JAK2: variants seen among roughly 807,000 people sequenced by gnomAD.
JAK2 encodes tyrosine-protein kinase JAK2.
Under a neutral mutation model 139.3 loss-of-function variants are expected in JAK2, and 86 were observed. That is an observed-to-expected ratio of 0.62 (90% CI 0.52 to 0.74). JAK2 has a LOEUF of 0.74. JAK2 is among the 30% of genes least tolerant of loss of function. The pLI, the probability that JAK2 is intolerant of heterozygous loss-of-function variation, is 0.00. For synonymous variants in JAK2, 490 were observed against 437.7 expected (o/e 1.12, Z -1.49); for missense variants, 1,421 against 1,360.3 (o/e 1.04, Z -0.70).
At chr9:5,053,999 G>C (rs1172186703) in intron 6 of JAK2, among the ~76,000 whole-genome samples, 1 of 152,028 alleles carries the variant, frequency 6.6e-6, no homozygotes, top group African/African-American at 2.4e-5. Flanking sequence ...ACATAGAGAT[G>C]AATGTACAGA....
At chr9:5,090,131 TA>T (rs1820464668) in intron 20 of JAK2, among the ~76,000 whole-genome samples, 1 of 152,246 alleles carries the variant, frequency 6.6e-6, no homozygotes, top group African/African-American at 2.4e-5. Flanking sequence ...ACATTTTCTA[TA>T]AAAATATTTT....
intron 5 of JAK2, among the ~76,000 whole-genome samples, chr9:5,046,885 C>T (rs899116203): frequency 6.6e-6 from 1 of 152,078 alleles, no homozygotes; most frequent in Non-Finnish European, 1.5e-5. Context: ...TGGGGGTAGG[C>T]TAGTTAAGTC....
intron 22 of JAK2, chr9:5,114,172 C>A: frequency 2.3e-6 from 1 of 429,242 alleles, no homozygotes. Flanking sequence ...TGTGCAGATT[C>A]TAACCCGCAA....
In JAK2 at chr9:5,031,450, C is replaced by A. The variant is rs561826987; in HGVS notation, c.350+1544C>A. ...TAGAAACATAATAATATGAAGAAATCTTTTCATATTAACGTGGAAGGGAGA... is the reference window on the plus strand; with the variant it reads ...TAGAAACATAATAATATGAAGAAATATTTTCATATTAACGTGGAAGGGAGA... On this transcript the variant is annotated intron_variant, in intron 4 of 24. Transcript: ENST00000381652. Among the ~76,000 whole-genome samples, 13 of 152,202 alleles carry A rather than the reference C, an allele frequency of 8.5e-5. No individual in the cohort carries two copies. The South Asian group carries it at 2.7e-3, about 32-fold the overall frequency.
chr9:5,089,957 T>C (rs566282097), intron 20 of JAK2, 94 bp downstream of exon 20: 13 of 792,784 alleles, frequency 1.6e-5, no homozygotes, highest in African/African-American at 1.1e-4. Context: ...TCTGGACTTA[T>C]GCCAATGCCC....
chr9:5,085,377 C>T, intron 19 of JAK2: 1 of 906,250 alleles, frequency 1.1e-6, no homozygotes, highest in Non-Finnish European at 1.8e-6. Context: ...TCTCATGCAC[C>T]ACTGGGTCGG....
At chr9:5,050,573 T>TTTTGTAA in intron 5 of JAK2, 113 bp from the exon 6 acceptor site, 2 of 1,129,222 alleles carry the variant, frequency 1.8e-6, no homozygotes, top group South Asian at 3.1e-5. Context: ...GCCTGGCCAA[T>TTTTGTAA]TTGTATCTTG....
intron 14 of JAK2, among the ~76,000 whole-genome samples, chr9:5,075,894 G>C (rs2130572016): frequency 6.6e-6 from 1 of 152,276 alleles, no homozygotes; most frequent in East Asian, 1.9e-4. Flanking sequence ...TAGATGCCAG[G>C]AATAGCATTC....
intron 2 of JAK2, among the ~76,000 whole-genome samples, chr9:5,008,819 C>T (rs185453745): frequency 2.8e-3 from 430 of 152,270 alleles, no homozygotes; most frequent in African/African-American, 0.01. Flanking sequence ...CCTGTGTTTT[C>T]ATTCGTCCTC....
intron 22 of JAK2, chr9:5,113,844 C>T (rs892341303): frequency 3.6e-5 from 7 of 197,180 alleles, no homozygotes; most frequent in Non-Finnish European, 7.3e-5. Context: ...TCAGTACCTT[C>T]AGCATCTACT....
intron 8 of JAK2, among the ~76,000 whole-genome samples, chr9:5,059,221 C>T (rs567004499): frequency 6.6e-6 from 1 of 152,304 alleles, no homozygotes; most frequent in East Asian, 1.9e-4. Flanking sequence ...CATGCATCTT[C>T]CCACATATTC....
At chr9:5,111,689 GGCA>G in intron 22 of JAK2, 1 of 427,300 alleles carries the variant, frequency 2.3e-6, no homozygotes, top group South Asian at 1.7e-5. Flanking sequence ...CAGTGGCGGA[GGCA>G]GCAGCACGTT....
intron 5 of JAK2, among the ~76,000 whole-genome samples, chr9:5,046,578 A>G (rs1278211234): frequency 1.3e-5 from 2 of 152,168 alleles, no homozygotes; most frequent in African/African-American, 2.4e-5. Flanking sequence ...ATTTTTGTCT[A>G]TCGTGAAGGT....
intron 5 of JAK2, among the ~76,000 whole-genome samples, chr9:5,048,519 A>G (rs1482218925): frequency 6.6e-6 from 1 of 152,188 alleles, no homozygotes; most frequent in Admixed American, 6.5e-5. Flanking sequence ...CTACTTAAAC[A>G]GTATAACTTA....
rs1563985068 is a variant in JAK2, at chr9:5,081,750, CAT to C, written c.2461_2462del (p.Met821ValfsTer16). ...ATTATGAACTATTAACAGAAAATGA[CAT>C]GTTACCAAATATGAGGATAGGTGCC... ...PDYELLTEND[M>X]LPNMRIGALG... On this transcript the variant is annotated frameshift_variant, in exon 19 of 25. Transcript: ENST00000381652. LOFTEE classifies it high-confidence loss of function. The C allele has an allele frequency of 2.5e-6, 4 of 1,597,320 alleles. No individual in the cohort carries two copies. Among genetic ancestry groups the C allele is most frequent in the Non-Finnish European group, 3.4e-6 (4 of 1,165,086 alleles).
chr9:5,034,524 T>C (rs1420969892), intron 4 of JAK2, among the ~76,000 whole-genome samples: 2 of 150,580 alleles, frequency 1.3e-5, no homozygotes, highest in African/African-American at 2.5e-5. Context: ...AGAACAGAAA[T>C]TATAACAAAC....
At chr9:5,041,729 G>A (rs1189959417) in intron 4 of JAK2, 2 of 495,338 alleles carry the variant, frequency 4.0e-6, no homozygotes, top group Non-Finnish European at 8.0e-6. Flanking sequence ...GGCTCGGGAA[G>A]CCCTTGGCGA....
At chr9:5,111,750 GAGA>G in intron 22 of JAK2, 1 of 425,374 alleles carries the variant, frequency 2.4e-6, no homozygotes, top group Non-Finnish European at 4.6e-6. Flanking sequence ...CTGCACGGAG[GAGA>G]AGTGAACGGT....
intron 2 of JAK2, among the ~76,000 whole-genome samples, chr9:5,019,657 C>T (rs1018806673): frequency 6.6e-6 from 1 of 152,186 alleles, no homozygotes; most frequent in Non-Finnish European, 1.5e-5. Context: ...CTGGTGTAAT[C>T]ATCACTTCCA....
Sources: gnomAD v4.1 joint callset for allele counts (sites outside exome capture counted in the v4.1 genomes callset) on GRCh38, gnomAD v4.1.1 for gene constraint, MANE v1.5 for transcripts, NCBI Gene and HGNC (gene_info 2026-07-23, HGNC 2026-07-21) for gene names.